CCDC157: variants seen among roughly 807,000 people sequenced by gnomAD.
CCDC157 encodes the protein coiled-coil domain containing 157.
In CCDC157, 60 loss-of-function variants were observed where a neutral mutation model predicts 70.9. That is an observed-to-expected ratio of 0.85 (90% CI 0.69 to 1.05). The LOEUF (loss-of-function observed/expected upper bound fraction) is 1.05, where lower values mean the gene tolerates loss of function less well. Among genes scored for constraint, CCDC157 ranks in the 50% least tolerant of loss-of-function variants. The probability of loss-of-function intolerance (pLI) is 0.00; values close to 1 mark genes in which losing one functional copy is unlikely to be tolerated. For synonymous variants in CCDC157, 373 were observed against 422.4 expected, an observed-to-expected ratio of 0.88 and a Z score of 1.43; for missense variants, 943 against 984.2, an observed-to-expected ratio of 0.96 and a Z score of 0.56.
rs779990886 is a variant in CCDC157, at chr22:30,376,663, T to C, written c.2177T>C (p.Val726Ala). 1 of 1,613,666 alleles carries C rather than the reference T, an allele frequency of 6.2e-7. No homozygotes were observed. Among genetic ancestry groups the C allele is most frequent in the East Asian group, 2.2e-5 (1 of 44,866 alleles). ...LDTCTQNPIKVLVRLRKRLSP... is the reference protein window; with the variant it reads ...LDTCTQNPIKALVRLRKRLSP... ...ACCTGCACCCAGAACCCCATCAAGG[T>C]CTTGGTCAGGCTGAGAAAGAGACTG... Residue 726 changes from valine to alanine, a missense_variant, in exon 12 of 12, where the codon GTC (valine) becomes GCC (alanine). Val to Ala is a moderately conservative substitution (Grantham distance 64, BLOSUM62 0). Transcript: ENST00000338306.
Position 30,370,583 on chromosome 22 carries a change from C to T in CCDC157, c.678C>T (p.Ser226=), listed in dbSNP as rs748860484. The T allele has an allele frequency of 1.5e-5, 25 of 1,613,926 alleles. No individual in the cohort carries two copies. Among genetic ancestry groups the T allele is most frequent in the Non-Finnish European group, 2.1e-5 (25 of 1,180,038 alleles). ...TALVPCDACA[S]VQGSLQKVGK... is the part of the protein sequence containing the mutation. ...TGGTGCCCTGTGACGCATGCGCCAG[C>T]GTCCAGGGAAGCCTGCAGAAGGTGG... The change falls in exon 5 of 12, where the codon AGC becomes AGT. Residue 226 remains serine, a synonymous_variant. Coordinates refer to ENST00000338306, the MANE Select transcript of CCDC157 (RefSeq NM_001017437.5).
intron 2 of CCDC157, among the ~76,000 whole-genome samples, chr22:30,365,339 G>A (rs1410837592): frequency 6.6e-6 from 1 of 151,918 alleles, no homozygotes; most frequent in African/African-American, 2.4e-5. Context: ...GGGAGACTGT[G>A]GGGTGGAGGG....
At chr22:30,370,197 A>C in intron 4 of CCDC157, 129 bp from the exon 5 acceptor site, 2 of 1,022,712 alleles carry the variant, frequency 2.0e-6, no homozygotes, top group Non-Finnish European at 2.9e-6. Context: ...CGTCGGTGTC[A>C]GAGAACATTT....
chr22:30,365,474 T>C (rs2145884791), intron 2 of CCDC157, among the ~76,000 whole-genome samples: 1 of 152,158 alleles, frequency 6.6e-6, no homozygotes, highest in East Asian at 1.9e-4. Context: ...CATGGTCCAA[T>C]AGAGTTTCGT....
chr22:30,358,741 A>G (rs1206080557), intron 1 of CCDC157, among the ~76,000 whole-genome samples: 1 of 152,228 alleles, frequency 6.6e-6, no homozygotes, highest in Admixed American at 6.5e-5. Context: ...GGAGAGGCAG[A>G]GATAGCTGCT....
intron 2 of CCDC157, 42 bp from the exon 3 acceptor site, chr22:30,365,948 C>T (rs1004664741): frequency 2.0e-6 from 3 of 1,521,968 alleles, no homozygotes; most frequent in Non-Finnish European, 2.6e-6. Context: ...CTGCAGCAGC[C>T]ACGTGGCTCT....
Position 30,376,807 on chromosome 22 carries a change from C to A in CCDC157, c.*62C>A. 2.0e-6 allele frequency: 3 copies of A among 1,487,744 alleles called. No individual in the cohort carries two copies. Among genetic ancestry groups the A allele is most frequent in the Non-Finnish European group, 1.8e-6 (2 of 1,090,116 alleles). 92.2% of individuals were successfully genotyped at this position (1,487,744 alleles called of 1,614,324 possible). A position where few individuals can be genotyped will look rare whatever the true frequency, so the allele number is the denominator to read the frequency against. ...TGGCAGCCCACCCACTGTAATAAAG[C>A]CCCAGCCATTGGCCCACAGCAATCT... is the stretch of plus-strand genomic sequence containing the variant. On this transcript the variant is annotated 3_prime_UTR_variant, in exon 12 of 12. Coordinates refer to ENST00000338306, the MANE Select transcript of CCDC157 (RefSeq NM_001017437.5).
chr22:30,377,249 G>A lies in CCDC157; in HGVS notation c.*504G>A, dbSNP rs990991967. On this transcript the variant is annotated 3_prime_UTR_variant, in exon 12 of 12. Transcript: ENST00000338306. ...GCTGGGCACATTAAGGACCCAAGAG[G>A]TCAGGCCTCCTTTCACTGAGGAACT... The A allele has an allele frequency of 1.2e-5, 2 of 161,420 alleles. No individual in the cohort carries two copies. The highest frequency in any genetic ancestry group is 1.7e-4 in the South Asian group (1 of 5,762). The allele number at this position is 161,420 out of a possible 1,614,324, so 10.0% of individuals were successfully genotyped here. A position where few individuals can be genotyped will look rare whatever the true frequency, so the allele number is the denominator to read the frequency against.
intron 2 of CCDC157, 26 bp from the exon 3 acceptor site, chr22:30,365,964 G>A (rs758379004): frequency 5.2e-6 from 8 of 1,542,374 alleles, no homozygotes; most frequent in Admixed American, 3.8e-5. Flanking sequence ...GCTCTGGCTG[G>A]CAGGGCTCTT....
rs188711095 is a variant in CCDC157 at position 30,377,839 on chromosome 22, C to T, written c.*1094C>T. The T allele has an allele frequency of 1.2e-4, 40 of 320,496 alleles. No individual in the cohort carries two copies. Among genetic ancestry groups the T allele is most frequent in the Middle Eastern group, 1.2e-3 (1 of 838 alleles). 19.9% of individuals were successfully genotyped at this position (320,496 alleles called of 1,614,324 possible). A position where few individuals can be genotyped will look rare whatever the true frequency, so the allele number is the denominator to read the frequency against. On this transcript the variant is annotated 3_prime_UTR_variant, in exon 12 of 12. Coordinates refer to ENST00000338306, the MANE Select transcript of CCDC157 (RefSeq NM_001017437.5). ...CTCACAGCTGAGTAGCTCTCTCAGG[C>T]GCCCACCAACTCCGTGCCATGTATT...
chr22:30,364,778 G>T (rs1205468288), intron 2 of CCDC157, among the ~76,000 whole-genome samples: 1 of 149,124 alleles, frequency 6.7e-6, no homozygotes, highest in Admixed American at 6.7e-5. Flanking sequence ...TCACGCCACT[G>T]TACTCCAGCC....
chr22:30,365,877 T>C, intron 2 of CCDC157, 113 bp from the exon 3 acceptor site: 1 of 1,041,426 alleles, frequency 9.6e-7, no homozygotes, highest in Non-Finnish European at 1.4e-6. Flanking sequence ...CTCCCCAGGG[T>C]CTGGGGTGAA....
chr22:30,370,409 C>G lies in CCDC157; in HGVS notation c.504C>G (p.Thr168=). ...CCAGGAGCCCTGAATATCTGACTAC[C>G]AAGTTAATCAAGCCCTCCTCCCCAG... ...EPARSPEYLT[T]KLIKPSSPVL... Residue 168 remains threonine, a synonymous_variant, in exon 5 of 12, where the codon ACC becomes ACG. Transcript: ENST00000338306. 1 of 1,614,114 alleles carries G rather than the reference C, an allele frequency of 6.2e-7. No individual in the cohort carries two copies. Among genetic ancestry groups the G allele is most frequent in the Non-Finnish European group, 8.5e-7 (1 of 1,180,030 alleles).
intron 3 of CCDC157, chr22:30,369,179 G>A (rs1489805902): frequency 8.9e-6 from 3 of 338,314 alleles, no homozygotes; most frequent in Non-Finnish European, 1.6e-5. Flanking sequence ...CTGGTCCAGT[G>A]GAGAAGAGCC....
At position 30,373,747 on chromosome 22, in the gene CCDC157, C is replaced by T; in HGVS notation, c.1486C>T (p.Gln496Ter). The T allele has an allele frequency of 1.3e-6, 2 of 1,553,280 alleles. No individual in the cohort carries two copies. Among genetic ancestry groups the T allele is most frequent in the Non-Finnish European group, 1.7e-6 (2 of 1,148,530 alleles). The change falls in exon 8 of 12, where the codon CAG becomes TAG. Residue 496 changes from glutamine (Q) to a stop codon, truncating the protein, a stop_gained. Transcript: ENST00000338306. LOFTEE classifies it high-confidence loss of function. The stretch of plus-strand genomic sequence containing the variant: ...GAGCGAGCGGGAGCAGGGGCAATGC[C>T]AGCTCAGGGCCCAGCAGGTGAGGGT... ...LQSEREQGQC[Q>*]LRAQQELLQS...
Position 30,377,805 on chromosome 22 carries a change from G to GT in CCDC157, c.*1060_*1061insT. ...CCAGAAGGCCTGTGCTCAAGTCCAG[G>GT]GGAAGGACCTCACAGCTGAGTAGCT... On this transcript the variant is annotated 3_prime_UTR_variant, in exon 12 of 12. Coordinates refer to ENST00000338306, the MANE Select transcript of CCDC157 (RefSeq NM_001017437.5). The GT allele has an allele frequency of 1.1e-5, 3 of 269,226 alleles. No homozygotes were observed. Among genetic ancestry groups the GT allele is most frequent in the South Asian group, 3.6e-5 (1 of 27,850 alleles). The allele number at this position is 269,226 out of a possible 1,614,324, so 16.7% of individuals were successfully genotyped here.
intron 6 of CCDC157, 159 bp downstream of exon 6, chr22:30,371,886 A>T: frequency 1.3e-6 from 1 of 764,782 alleles, no homozygotes; most frequent in Non-Finnish European, 2.1e-6. Context: ...GCGATGACCA[A>T]ACTGGGTTGC....
chr22:30,365,995 G>A lies in CCDC157; in HGVS notation c.-6G>A. 1 of 1,584,416 alleles carries A rather than the reference G, an allele frequency of 6.3e-7. No homozygotes were observed. Among genetic ancestry groups the A allele is most frequent in the Non-Finnish European group, 8.5e-7 (1 of 1,171,854 alleles). On this transcript the variant is annotated 5_prime_UTR_variant, in exon 3 of 12. The change creates a new upstream start codon in the 5' untranslated region. Transcript: ENST00000338306. The stretch of plus-strand genomic sequence containing the variant: ...CTCTTCTCTGCTCACCCCAGGATCT[G>A]TGAGGATGGCGCACCTGCTGGGCAG...
intron 2 of CCDC157, among the ~76,000 whole-genome samples, chr22:30,365,582 C>T (rs1378601672): frequency 2.0e-5 from 3 of 152,158 alleles, no homozygotes; most frequent in Non-Finnish European, 2.9e-5. Flanking sequence ...TGACAGTGGC[C>T]TGGTGTGGCC....
Sources: allele counts gnomAD v4.1 joint callset (sites outside exome capture counted in the v4.1 genomes callset), GRCh38; gene constraint gnomAD v4.1.1; transcripts MANE v1.5; gene names NCBI Gene and HGNC (gene_info 2026-07-23, HGNC 2026-07-21).